IL1RAPL1: variants seen among roughly 807,000 people sequenced by gnomAD.
IL1RAPL1 encodes the protein interleukin 1 receptor accessory protein like 1, also known as interleukin-1 receptor accessory protein-like 1.
Under a neutral mutation model 48.4 loss-of-function variants are expected in IL1RAPL1, and 3 were observed. That is an observed-to-expected ratio of 0.06 (90% CI 0.03 to 0.16). The LOEUF (loss-of-function observed/expected upper bound fraction) is 0.16. Ranked by LOEUF, IL1RAPL1 falls within the 10% of genes least tolerant of loss-of-function variation. IL1RAPL1 has a pLI of 1.00. For synonymous variants in IL1RAPL1, 185 were observed against 187.7 expected, an observed-to-expected ratio of 0.99 and a Z score of 0.12; for missense variants, 349 against 530.6, an observed-to-expected ratio of 0.66 and a Z score of 3.36.
In IL1RAPL1 at chrX:29,403,090, A is replaced by G. The variant is rs190881846; in HGVS notation, c.703+3782A>G. Among the ~76,000 whole-genome samples, 299 of 111,899 alleles carry G rather than the reference A, an allele frequency of 2.7e-3. 1 individual carries two copies. The highest frequency in any genetic ancestry group is 4.1e-3 in the Non-Finnish European group (217 of 53,164). On this transcript the variant is annotated intron_variant, in intron 5 of 10. Coordinates refer to ENST00000378993, the MANE Select transcript of IL1RAPL1 (RefSeq NM_014271.4). ...ATCCATGCTAAAGGAGTGAGAGGTT[A>G]TGTTCCACCTCTCTGAGAGCAGAAT...
intron 2 of IL1RAPL1, among the ~76,000 whole-genome samples, chrX:29,055,348 G>T (rs534888734): frequency 9.0e-6 from 1 of 111,421 alleles, no homozygotes; most frequent in African/African-American, 3.3e-5. Flanking sequence ...ATATAATTCA[G>T]TAACTTCCAG....
chrX:29,280,354 C>G (rs1932182206), intron 2 of IL1RAPL1, among the ~76,000 whole-genome samples: 1 of 111,416 alleles, frequency 9.0e-6, no homozygotes, highest in South Asian at 3.7e-4. Flanking sequence ...TAGATAGTAC[C>G]TCAATACAGC....
chrX:28,861,695 A>G (rs1921948299), intron 2 of IL1RAPL1, among the ~76,000 whole-genome samples: 1 of 111,361 alleles, frequency 9.0e-6, no homozygotes, highest in Admixed American at 9.6e-5. Context: ...CATTACTTTC[A>G]TTGAGCAATT....
intron 2 of IL1RAPL1, among the ~76,000 whole-genome samples, chrX:29,272,893 C>A (rs1180703340): frequency 9.0e-6 from 1 of 111,668 alleles, no homozygotes; most frequent in East Asian, 2.8e-4. Context: ...AACCAGTCTT[C>A]AAGCTCTTTG....
intron 1 of IL1RAPL1, among the ~76,000 whole-genome samples, chrX:28,721,826 TCC>T (rs1383975370): frequency 9.0e-6 from 1 of 111,188 alleles, no homozygotes; most frequent in Non-Finnish European, 1.9e-5. Flanking sequence ...TAGCCAGTTT[TCC>T]CAGCACCATT....
At chrX:29,702,999 T>C (rs1432249104) in intron 6 of IL1RAPL1, among the ~76,000 whole-genome samples, 1 of 112,297 alleles carries the variant, frequency 8.9e-6, no homozygotes, top group Admixed American at 9.4e-5. Context: ...CCAAAATAAA[T>C]AGAACAAAGA....
Position 29,710,621 on chromosome X carries a change from T to A in IL1RAPL1, c.778+42117T>A, listed in dbSNP as rs192270314. ...ATGTGTGTGTGTATATATATATATA[T>A]AATATATATATAATGTTTTGTTCTA... On this transcript the variant is annotated intron_variant, in intron 6 of 10. Coordinates refer to ENST00000378993, the MANE Select transcript of IL1RAPL1 (RefSeq NM_014271.4). 6.4e-3 allele frequency among the ~76,000 whole-genome samples: 675 copies of A among 105,346 alleles called. 4 individuals are homozygous for A. The highest frequency in any genetic ancestry group is 0.022 in the African/African-American group (634 of 29,293). The allele number at this position is 105,346 out of a possible 115,157, so 91.5% of individuals were successfully genotyped here.
At chrX:28,707,137 A>G (rs1349300776) in intron 1 of IL1RAPL1, among the ~76,000 whole-genome samples, 1 of 112,086 alleles carries the variant, frequency 8.9e-6, no homozygotes, top group Admixed American at 9.5e-5. Context: ...TTGGCAGTGT[A>G]AAGCAAAGGC....
At chrX:29,615,688 A>G (rs1475933780) in intron 5 of IL1RAPL1, among the ~76,000 whole-genome samples, 1 of 111,969 alleles carries the variant, frequency 8.9e-6, no homozygotes, top group Non-Finnish European at 1.9e-5. Context: ...ATGAACTACT[A>G]AACTTAAAAA....
At chrX:28,900,567 A>G (rs1272114253) in intron 2 of IL1RAPL1, among the ~76,000 whole-genome samples, 1 of 112,345 alleles carries the variant, frequency 8.9e-6, no homozygotes, top group African/African-American at 3.2e-5. Flanking sequence ...TCATGTTTAC[A>G]TAGAATAACT....
intron 5 of IL1RAPL1, among the ~76,000 whole-genome samples, chrX:29,416,939 T>G (rs906966915): frequency 1.8e-5 from 2 of 111,735 alleles, no homozygotes; most frequent in Non-Finnish European, 3.8e-5. Flanking sequence ...TGGTTCATTT[T>G]TCCTAATATT....
At chrX:28,702,577 T>A (rs1935313173) in intron 1 of IL1RAPL1, among the ~76,000 whole-genome samples, 1 of 111,748 alleles carries the variant, frequency 8.9e-6, no homozygotes, top group African/African-American at 3.2e-5. Flanking sequence ...AAAGAAACAT[T>A]TCAAATGCAT....
At chrX:28,671,371 T>C in intron 1 of IL1RAPL1, among the ~76,000 whole-genome samples, 1 of 112,103 alleles carries the variant, frequency 8.9e-6, no homozygotes, top group South Asian at 3.7e-4. Context: ...GAAGATTGAC[T>C]GAGTTAGTAG....
chrX:29,176,641 T>G (rs1322610872), intron 2 of IL1RAPL1, among the ~76,000 whole-genome samples: 4 of 111,097 alleles, frequency 3.6e-5, no homozygotes, highest in Non-Finnish European at 7.5e-5. Flanking sequence ...CTCTAGCAAC[T>G]TAAGGGATCC....
chrX:29,187,162 A>T (rs1369003668), intron 2 of IL1RAPL1, among the ~76,000 whole-genome samples: 1 of 112,309 alleles, frequency 8.9e-6, no homozygotes, highest in African/African-American at 3.2e-5. Flanking sequence ...CTGTATAACA[A>T]CAAAGTATTT....
chrX:28,989,605 A>G (rs1925553749), intron 2 of IL1RAPL1, among the ~76,000 whole-genome samples: 1 of 112,392 alleles, frequency 8.9e-6, no homozygotes, highest in African/African-American at 3.2e-5. Flanking sequence ...ACTGTAGAGT[A>G]TTGACTGTGA....
intron 2 of IL1RAPL1, among the ~76,000 whole-genome samples, chrX:29,143,040 A>G (rs752039752): frequency 1.4e-4 from 16 of 111,076 alleles, no homozygotes; most frequent in Non-Finnish European, 2.6e-4. Flanking sequence ...GAAGAACTCC[A>G]ATCTCTGGAA....
intron 5 of IL1RAPL1, among the ~76,000 whole-genome samples, chrX:29,608,113 G>C (rs1923951992): frequency 8.9e-6 from 1 of 112,314 alleles, no homozygotes; most frequent in South Asian, 3.7e-4. Flanking sequence ...GGCTGGACTA[G>C]TTGGAACCTC....
chrX:29,386,507 T>C (rs1387460618), intron 3 of IL1RAPL1, among the ~76,000 whole-genome samples: 1 of 110,184 alleles, frequency 9.1e-6, no homozygotes, highest in East Asian at 2.8e-4. Context: ...CATATAGCCA[T>C]TGCTCAATAC....
Sources: allele counts gnomAD v4.1 joint callset (sites outside exome capture counted in the v4.1 genomes callset), GRCh38; gene constraint gnomAD v4.1.1; transcripts MANE v1.5; gene names NCBI Gene and HGNC (gene_info 2026-07-23, HGNC 2026-07-21).